The following CTNNA2 variants were observed in gnomAD, a reference collection of about 807,000 sequenced individuals.
CTNNA2 encodes catenin alpha-2.
In CTNNA2, 42 loss-of-function variants were observed where a neutral mutation model predicts 101.0. The observed-to-expected ratio is 0.42, with a 90% CI of 0.32 to 0.54. CTNNA2 has a LOEUF of 0.54. Among genes scored for constraint, CTNNA2 ranks in the 20% least tolerant of loss-of-function variants. The probability of loss-of-function intolerance (pLI) is 0.14; values close to 1 mark genes in which losing one functional copy is unlikely to be tolerated. For missense variants in CTNNA2, 871 were observed against 1,223.1 expected, an observed-to-expected ratio of 0.71 and a Z score of 4.29; for synonymous variants, 450 against 456.4, an observed-to-expected ratio of 0.99 and a Z score of 0.18.
At chr2:80,249,038 AGCCTGCAGT>A (rs1410586337) in intron 7 of CTNNA2, among the ~76,000 whole-genome samples, 1 of 152,120 alleles carries the variant, frequency 6.6e-6, no homozygotes, top group Non-Finnish European at 1.5e-5. Flanking sequence ...TAGTAGAAAG[AGCCTGCAGT>A]GCCCTTCTCT....
chr2:80,542,757 A>G (rs1691684945), intron 9 of CTNNA2, among the ~76,000 whole-genome samples: 1 of 152,124 alleles, frequency 6.6e-6, no homozygotes, highest in Admixed American at 6.6e-5. Flanking sequence ...TAAAATTATC[A>G]CTATTTCATA....
At chr2:79,701,487 T>C (rs1511183) in intron 2 of CTNNA2, among the ~76,000 whole-genome samples, 7,904 of 152,224 alleles carry the variant, frequency 0.052, 727 homozygotes, top group African/African-American at 0.18. Flanking sequence ...CAATATTTAC[T>C]GAGCACCAAC....
intron 7 of CTNNA2, among the ~76,000 whole-genome samples, chr2:80,232,889 G>T (rs1396253025): frequency 6.6e-6 from 1 of 152,112 alleles, no homozygotes; most frequent in Non-Finnish European, 1.5e-5. Context: ...GATGAGAAAG[G>T]TTCACCAAAG....
rs1553387588 is a variant in CTNNA2 at position 80,559,891 on chromosome 2, T to TATACACAC, written c.1741+3999_1741+4000insTACACACA. On this transcript the variant is annotated intron_variant, in intron 12 of 18. Coordinates refer to ENST00000402739, the MANE Select transcript of CTNNA2 (RefSeq NM_001282597.3). ...GCGATATCATATTTATATATATATA[T>TATACACAC]ACACACACATACAGTAGCTCATTCT... 3.4e-3 allele frequency among the ~76,000 whole-genome samples: 503 copies of TATACACAC among 146,888 alleles called. 18 individuals are homozygous for TATACACAC. Among genetic ancestry groups the TATACACAC allele is most frequent in the African/African-American group, 0.013 (480 of 38,218 alleles).
At chr2:79,218,818 T>G (rs763188353) in intron 2 of CTNNA2, among the ~76,000 whole-genome samples, 1 of 152,214 alleles carries the variant, frequency 6.6e-6, no homozygotes, top group Non-Finnish European at 1.5e-5. Context: ...TTTCAGACAT[T>G]GTGTAACTTT....
At chr2:79,575,348 G>A (rs1360276866) in intron 1 of CTNNA2, 1 of 152,194 alleles carries the variant, frequency 6.6e-6, no homozygotes, top group African/African-American at 2.4e-5. Flanking sequence ...ACCATTTCCT[G>A]GTTCCCTGTG....
chr2:80,647,896 C>G lies in CTNNA2; in HGVS notation c.*24C>G, dbSNP rs747279367. 6.5e-7 allele frequency: 1 copy of G among 1,531,750 alleles called. No individual in the cohort carries two copies. The highest frequency in any genetic ancestry group is 8.8e-7 in the Non-Finnish European group (1 of 1,141,012). 94.9% of individuals were successfully genotyped at this position (1,531,750 alleles called of 1,614,324 possible). ...AGGACGATAGGTTTTAACAAGAAAG[C>G]TTTTTCTTTCTTTTCTTTCTTTCTT... On this transcript the variant is annotated 3_prime_UTR_variant, in exon 19 of 19. Transcript: ENST00000402739.
At chr2:80,631,761 C>T (rs1280454592) in intron 18 of CTNNA2, among the ~76,000 whole-genome samples, 1 of 152,058 alleles carries the variant, frequency 6.6e-6, no homozygotes, top group Non-Finnish European at 1.5e-5. Context: ...TGCACTATAC[C>T]TGAGGATACA....
chr2:80,182,778 T>C (rs1705863735), intron 7 of CTNNA2, among the ~76,000 whole-genome samples: 1 of 152,092 alleles, frequency 6.6e-6, no homozygotes, highest in Non-Finnish European at 1.5e-5. Context: ...GGACAGAGGT[T>C]TCCAGGCAGA....
intron 8 of CTNNA2, among the ~76,000 whole-genome samples, chr2:80,404,713 C>CAATATT (rs1678904595): frequency 1.3e-5 from 2 of 152,236 alleles, no homozygotes; most frequent in African/African-American, 4.8e-5. Flanking sequence ...CTTCCCAGGG[C>CAATATT]AAGAGGTCTT....
intron 4 of CTNNA2, among the ~76,000 whole-genome samples, chr2:79,471,565 G>A (rs981296571): frequency 6.6e-6 from 1 of 152,096 alleles, no homozygotes; most frequent in African/African-American, 2.4e-5. Flanking sequence ...TCGGCCGGGT[G>A]CAGTGGCTCA....
chr2:79,237,186 A>G (rs1345755915), intron 2 of CTNNA2, among the ~76,000 whole-genome samples: 2 of 152,242 alleles, frequency 1.3e-5, no homozygotes, highest in South Asian at 2.1e-4. Context: ...ATGTTGTGTT[A>G]GAAGCCATGA....
chr2:80,351,063 T>C (rs148855346), intron 7 of CTNNA2, among the ~76,000 whole-genome samples: 1 of 152,306 alleles, frequency 6.6e-6, no homozygotes, highest in East Asian at 1.9e-4. Context: ...CAGTCACTTA[T>C]ATGCATTTTG....
chr2:79,722,478 T>C (rs1686551823), intron 2 of CTNNA2, among the ~76,000 whole-genome samples: 1 of 152,162 alleles, frequency 6.6e-6, no homozygotes, highest in Non-Finnish European at 1.5e-5. Context: ...GGTTAGCAAT[T>C]ACTTTAGTAA....
chr2:79,587,756 G>A (rs1455188462), intron 1 of CTNNA2, among the ~76,000 whole-genome samples: 1 of 152,186 alleles, frequency 6.6e-6, no homozygotes, highest in African/African-American at 2.4e-5. Flanking sequence ...TGTAAGGGCA[G>A]TTCCTCAGCA....
chr2:80,271,323 G>T (rs565484685), intron 7 of CTNNA2, among the ~76,000 whole-genome samples: 1 of 152,216 alleles, frequency 6.6e-6, no homozygotes, highest in Non-Finnish European at 1.5e-5. Flanking sequence ...TGCCCAGTTG[G>T]CTAGCTCCAT....
intron 7 of CTNNA2, among the ~76,000 whole-genome samples, chr2:80,225,086 T>C (rs1708801302): frequency 6.6e-6 from 1 of 152,100 alleles, no homozygotes; most frequent in South Asian, 2.1e-4. Context: ...ATAAAATAAA[T>C]GTTTGGTTCC....
intron 2 of CTNNA2, among the ~76,000 whole-genome samples, chr2:79,692,719 T>C (rs1485830032): frequency 6.6e-6 from 1 of 152,034 alleles, no homozygotes; most frequent in African/African-American, 2.4e-5. Context: ...TCATGTCCTT[T>C]GCACGGACAT....
chr2:79,295,278 C>T (rs570310612), intron 2 of CTNNA2, among the ~76,000 whole-genome samples: 3 of 152,138 alleles, frequency 2.0e-5, no homozygotes, highest in Non-Finnish European at 4.4e-5. Flanking sequence ...CTGCCATGTT[C>T]TGCAAAGCCA....
Sources: gnomAD v4.1 joint callset for allele counts (sites outside exome capture counted in the v4.1 genomes callset) on GRCh38, gnomAD v4.1.1 for gene constraint, MANE v1.5 for transcripts, NCBI Gene and HGNC (gene_info 2026-07-23, HGNC 2026-07-21) for gene names.